Variants in SNX19 observed in about 807,000 individuals in gnomAD.
SNX19 encodes sorting nexin 19, also known as sorting nexin-19.
Under a neutral mutation model 85.2 loss-of-function variants are expected in SNX19, and 60 were observed. The observed-to-expected ratio is 0.70, with a 90% CI of 0.57 to 0.87. The LOEUF (loss-of-function observed/expected upper bound fraction) is 0.87. Ranked by LOEUF, SNX19 falls within the 40% of genes least tolerant of loss-of-function variation. The probability of loss-of-function intolerance (pLI) is 0.00; values close to 1 mark genes in which losing one functional copy is unlikely to be tolerated. For missense variants in SNX19, 1,201 were observed against 1,217.8 expected, an observed-to-expected ratio of 0.99 and a Z score of 0.21; for synonymous variants, 520 against 470.0, an observed-to-expected ratio of 1.11 and a Z score of -1.38.
At chr11:130,897,590 C>T (rs974112754) in intron 8 of SNX19, among the ~76,000 whole-genome samples, 6 of 152,146 alleles carry the variant, frequency 3.9e-5, no homozygotes, top group South Asian at 2.1e-4. Context: ...CCAGGCAGGG[C>T]GCCGGTCCAG....
chr11:130,868,651 G>A lies in SNX19; in HGVS notation c.*9771C>T, dbSNP rs1942880464. 1 of 152,152 alleles carries A rather than the reference G, an allele frequency of 6.6e-6. No homozygotes were observed. The highest frequency in any genetic ancestry group is 2.4e-5 in the African/African-American group (1 of 41,394). The allele number at this position is 152,152 out of a possible 1,614,324, so 9.4% of individuals were successfully genotyped here. ...CAGGACACCCTTTTTCTCAGTTTGA[G>A]GTTAAGTACTCCTCCGCCCCCAACC... On this transcript the variant is annotated 3_prime_UTR_variant, in exon 11 of 11. Transcript: ENST00000265909.
intron 8 of SNX19, among the ~76,000 whole-genome samples, chr11:130,887,234 T>C (rs1215798865): frequency 1.3e-5 from 2 of 152,192 alleles, no homozygotes; most frequent in Non-Finnish European, 2.9e-5. Context: ...GATATAAAAT[T>C]AATATGTATT....
chr11:130,910,052 A>G lies in SNX19; in HGVS notation c.2000T>C (p.Val667Ala). 21 of 1,614,002 alleles carry G rather than the reference A, an allele frequency of 1.3e-5. No individual in the cohort carries two copies. Among genetic ancestry groups the G allele is most frequent in the Non-Finnish European group, 1.7e-5 (20 of 1,180,030 alleles). ...TCTAGAGACCATAAATGGTTTCTTG[A>G]CAAAGGCAATACGAGCATCTGTGTT... ...ALNTDARIAF[V>A]KKPFMVSRID... Residue 667 changes from valine (V) to alanine (A), a missense_variant, in exon 4 of 11, where the codon GTC becomes GCC. Transcript: ENST00000265909.
rs1943372159 is a variant in SNX19, at chr11:130,878,131, G to C, written c.*291C>G. The stretch of plus-strand genomic sequence containing the variant: ...GAGGATGGCAAAAGGAGAAGCAAAA[G>C]GGGTTCATTCCTCTACCTCACAGCT... On this transcript the variant is annotated 3_prime_UTR_variant, in exon 11 of 11. Transcript: ENST00000265909. 1 of 208,900 alleles carries C rather than the reference G, an allele frequency of 4.8e-6. No individual in the cohort carries two copies. Among genetic ancestry groups the C allele is most frequent in the Admixed American group, 5.5e-5 (1 of 18,342 alleles). The allele number at this position is 208,900 out of a possible 1,614,324, so 12.9% of individuals were successfully genotyped here.
At chr11:130,898,895 T>C (rs1945062639) in intron 8 of SNX19, among the ~76,000 whole-genome samples, 1 of 152,186 alleles carries the variant, frequency 6.6e-6, no homozygotes, top group Non-Finnish European at 1.5e-5. Context: ...TTGGGTTGGC[T>C]TTTATCCTGC....
At chr11:130,889,824 C>T (rs1457033815) in intron 8 of SNX19, among the ~76,000 whole-genome samples, 2 of 152,138 alleles carry the variant, frequency 1.3e-5, no homozygotes, top group Non-Finnish European at 2.9e-5. Flanking sequence ...AATCATACGT[C>T]ATGGCACAGA....
Position 130,892,596 on chromosome 11 carries a change from C to T in SNX19, c.2573+10659G>A, listed in dbSNP as rs573106630. ...TCAGTTTTCTCACTTGTAAAGCTTA[C>T]TCTTCCTGGCAGGCTCAGGGAAGTA... is the stretch of plus-strand genomic sequence containing the variant. On this transcript the variant is annotated intron_variant, in intron 8 of 10. Coordinates refer to ENST00000265909, the MANE Select transcript of SNX19 (RefSeq NM_014758.3). Among the ~76,000 whole-genome samples, 3 of 152,316 alleles carry T rather than the reference C, an allele frequency of 2.0e-5. No individual in the cohort carries two copies. The South Asian group carries it at 6.2e-4, about 32-fold the overall frequency.
rs899431846 is a variant in SNX19, at chr11:130,866,367, T to G, written c.*12055A>C. 4 of 152,208 alleles carry G rather than the reference T, an allele frequency of 2.6e-5. No homozygotes were observed. The highest frequency in any genetic ancestry group is 7.2e-5 in the African/African-American group (3 of 41,458). The allele number at this position is 152,208 out of a possible 1,614,324, so 9.4% of individuals were successfully genotyped here. On this transcript the variant is annotated 3_prime_UTR_variant, in exon 11 of 11. Coordinates refer to ENST00000265909, the MANE Select transcript of SNX19 (RefSeq NM_014758.3). ...AGTAAAGGTATGAAAAACATTTGTA[T>G]TCAGAGAATTCTAAGACAAATGGTC...
intron 1 of SNX19, 99 bp downstream of exon 1, chr11:130,914,167 C>T: frequency 1.9e-6 from 2 of 1,029,830 alleles, no homozygotes; most frequent in Non-Finnish European, 2.8e-6. Flanking sequence ...AGAACCACTT[C>T]AAACTAACAG....
intron 5 of SNX19, among the ~76,000 whole-genome samples, chr11:130,907,348 A>G (rs1266113620): frequency 1.3e-5 from 2 of 151,884 alleles, no homozygotes; most frequent in Non-Finnish European, 2.9e-5. Context: ...ACATACACAC[A>G]TGCTCTCTCT....
intron 8 of SNX19, chr11:130,895,304 C>T: frequency 3.1e-6 from 3 of 968,820 alleles, no homozygotes; most frequent in Non-Finnish European, 3.7e-6. Flanking sequence ...ATGAAAGACT[C>T]AGTTTCCATT....
intron 8 of SNX19, among the ~76,000 whole-genome samples, chr11:130,888,700 C>T (rs1430902505): frequency 6.6e-6 from 1 of 152,170 alleles, no homozygotes; most frequent in Non-Finnish European, 1.5e-5. Flanking sequence ...GGCAAGATAT[C>T]TGTGCATCTC....
At chr11:130,879,801 TA>T (rs1943531900) in intron 9 of SNX19, 90 bp from the exon 10 acceptor site, 8 of 1,208,234 alleles carry the variant, frequency 6.6e-6, no homozygotes, top group African/African-American at 3.0e-5. Flanking sequence ...CTGCCGTTTT[TA>T]CATAGGTTAG....
intron 8 of SNX19, among the ~76,000 whole-genome samples, chr11:130,902,842 G>A (rs1362755105): frequency 6.6e-6 from 1 of 152,208 alleles, no homozygotes; most frequent in Non-Finnish European, 1.5e-5. Context: ...TATTTCAAGA[G>A]CACTGATCTG....
intron 6 of SNX19, 102 bp from the exon 7 acceptor site, chr11:130,906,235 G>GTTAT (rs1258646016): frequency 2.5e-6 from 3 of 1,221,542 alleles, no homozygotes; most frequent in African/African-American, 1.5e-5. Flanking sequence ...AAGTACCTTG[G>GTTAT]GTATAAAACC....
Position 130,914,559 on chromosome 11 carries a change from CATCTCCTTGTTCT to C in SNX19, c.1368_1380del (p.Ile456MetfsTer24), listed in dbSNP as rs1946392186. On this transcript the variant is annotated frameshift_variant, in exon 1 of 11. Transcript: ENST00000265909. LOFTEE classifies it high-confidence loss of function. The stretch of plus-strand genomic sequence containing the variant: ...AGCAAAGCTGTAACAGAGGCGGTAA[CATCTCCTTGTTCT>C]ATCTCCTTGTCTGCTGTGTCAATAT... 1 of 1,613,996 alleles carries C rather than the reference CATCTCCTTGTTCT, an allele frequency of 6.2e-7. No individual in the cohort carries two copies. The highest frequency in any genetic ancestry group is 1.1e-5 in the South Asian group (1 of 91,080).
At chr11:130,899,256 ACT>A (rs1163712304) in intron 8 of SNX19, among the ~76,000 whole-genome samples, 2 of 152,176 alleles carry the variant, frequency 1.3e-5, no homozygotes, top group Admixed American at 6.6e-5. Context: ...CAACGTTTAC[ACT>A]CTGAATGCTA....
intron 6 of SNX19, 23 bp downstream of exon 6, chr11:130,906,602 A>G (rs1445651428): frequency 1.9e-6 from 3 of 1,555,724 alleles, no homozygotes; most frequent in African/African-American, 1.4e-5. Context: ...TTTGCCTCAC[A>G]TTCTCTGGGT....
chr11:130,909,869 G>A lies in SNX19; in HGVS notation c.2034+149C>T, dbSNP rs139148489. 20 of 1,056,376 alleles carry A rather than the reference G, an allele frequency of 1.9e-5. No individual in the cohort carries two copies. In the African/African-American group the frequency reaches 2.9e-4, roughly 15 times the overall value. 65.4% of individuals were successfully genotyped at this position (1,056,376 alleles called of 1,614,324 possible). A position where few individuals can be genotyped will look rare whatever the true frequency, so the allele number is the denominator to read the frequency against. On this transcript the variant is annotated intron_variant, in intron 4 of 10. Coordinates refer to ENST00000265909, the MANE Select transcript of SNX19 (RefSeq NM_014758.3). Reference sequence around the variant, plus strand: ...CAACCAATATTTGGCAACAGGTCTTGACAATTTAAGTCCATGTTCTATTGA... The same window carrying A: ...CAACCAATATTTGGCAACAGGTCTTAACAATTTAAGTCCATGTTCTATTGA...
Sources: gnomAD v4.1 joint callset for allele counts (sites outside exome capture counted in the v4.1 genomes callset) on GRCh38, gnomAD v4.1.1 for gene constraint, MANE v1.5 for transcripts, NCBI Gene and HGNC (gene_info 2026-07-23, HGNC 2026-07-21) for gene names.